The following DCUN1D3 variants were observed in gnomAD, a reference collection of about 807,000 sequenced individuals.
DCUN1D3 encodes the protein DCN1-like protein 3.
DCUN1D3 carries 6 observed loss-of-function variants against 24.8 expected under a neutral mutation model. That is an observed-to-expected ratio of 0.24 (90% CI 0.13 to 0.48). The LOEUF (loss-of-function observed/expected upper bound fraction) is 0.48. DCUN1D3 is among the 20% of genes least tolerant of loss of function. The pLI is 0.99. For missense variants in DCUN1D3, 258 were observed against 379.4 expected, an observed-to-expected ratio of 0.68 and a Z score of 2.66; for synonymous variants, 120 against 144.9, an observed-to-expected ratio of 0.83 and a Z score of 1.24.
intron 1 of DCUN1D3, among the ~76,000 whole-genome samples, chr16:20,870,051 C>T (rs2081780526): frequency 6.6e-6 from 1 of 152,212 alleles, no homozygotes. Flanking sequence ...GCCTTTGGTT[C>T]TGGTGTGAAA....
chr16:20,893,419 C>T (rs914086410), intron 1 of DCUN1D3, among the ~76,000 whole-genome samples: 8 of 152,272 alleles, frequency 5.3e-5, no homozygotes, highest in Non-Finnish European at 7.4e-5. Context: ...GAGATTCTCC[C>T]GTCTAAGCCT....
intron 1 of DCUN1D3, among the ~76,000 whole-genome samples, chr16:20,890,113 T>A (rs750555992): frequency 1.3e-5 from 2 of 152,184 alleles, no homozygotes; most frequent in Non-Finnish European, 2.9e-5. Flanking sequence ...CATTCAGCTG[T>A]TCCTGAGTTA....
At position 20,862,448 on chromosome 16, in the gene DCUN1D3, T is replaced by G; in HGVS notation, c.91A>C (p.Arg31=). Residue 31 remains arginine (R), a synonymous_variant, in exon 2 of 3, where the codon AGG becomes CGG. Coordinates refer to ENST00000324344, the MANE Select transcript of DCUN1D3 (RefSeq NM_173475.4). ...DREPSNKSHS[R]RGAGHREEQV... ...TCCTCACGGTGGCCTGCACCCCTCC[T>G]GCTATGTGACTTGTTGCTGGGCTCA... The G allele has an allele frequency of 6.2e-7, 1 of 1,613,336 alleles. No individual in the cohort carries two copies. The highest frequency in any genetic ancestry group is 8.5e-7 in the Non-Finnish European group (1 of 1,179,998).
At chr16:20,867,893 G>C (rs1039496650) in intron 1 of DCUN1D3, among the ~76,000 whole-genome samples, 29 of 152,186 alleles carry the variant, frequency 1.9e-4, no homozygotes, top group Non-Finnish European at 3.8e-4. Context: ...CCACTACCCA[G>C]TAATGCTTGG....
At chr16:20,890,020 C>T (rs1323886207) in intron 1 of DCUN1D3, among the ~76,000 whole-genome samples, 1 of 152,180 alleles carries the variant, frequency 6.6e-6, no homozygotes, top group Non-Finnish European at 1.5e-5. Context: ...TTGGTAAAAG[C>T]ATTTATGAGC....
intron 1 of DCUN1D3, among the ~76,000 whole-genome samples, chr16:20,884,707 T>C (rs1469710488): frequency 6.6e-6 from 1 of 152,150 alleles, no homozygotes; most frequent in African/African-American, 2.4e-5. Flanking sequence ...GACACCTCTC[T>C]GAGACAAGAC....
chr16:20,894,939 T>C (rs1399503876), intron 1 of DCUN1D3, among the ~76,000 whole-genome samples: 2 of 152,158 alleles, frequency 1.3e-5, no homozygotes, highest in Non-Finnish European at 2.9e-5. Flanking sequence ...TTCAGTGCAA[T>C]TGGCCATCTG....
At position 20,859,580 on chromosome 16, in the gene DCUN1D3, A is replaced by G. The variant is rs546563823; in HGVS notation, c.*306T>C. On this transcript the variant is annotated 3_prime_UTR_variant, in exon 3 of 3. Coordinates refer to ENST00000324344, the MANE Select transcript of DCUN1D3 (RefSeq NM_173475.4). ...AAAAACAAAAAAAAACAAAAAAAAA[A>G]CCTAAATTTGTGCAAGAAATGGCAG... 2 of 236,182 alleles carry G rather than the reference A, an allele frequency of 8.5e-6. No homozygotes were observed. The highest frequency in any genetic ancestry group is 4.6e-5 in the African/African-American group (2 of 43,702). The allele number at this position is 236,182 out of a possible 1,614,324, so 14.6% of individuals were successfully genotyped here.
intron 1 of DCUN1D3, among the ~76,000 whole-genome samples, chr16:20,881,229 C>A (rs543285884): frequency 6.6e-6 from 1 of 152,252 alleles, no homozygotes; most frequent in South Asian, 2.1e-4. Flanking sequence ...CACAGCGATA[C>A]TCTGTCTCTA....
At chr16:20,883,595 A>G (rs1421884714) in intron 1 of DCUN1D3, among the ~76,000 whole-genome samples, 2 of 152,232 alleles carry the variant, frequency 1.3e-5, no homozygotes, top group East Asian at 3.8e-4. Flanking sequence ...GAAGTATTAA[A>G]TACTGGAGAT....
In DCUN1D3 at chr16:20,856,245, C is replaced by A. The variant is rs559023552; in HGVS notation, c.*3641G>T. The A allele has an allele frequency of 1.1e-4, 17 of 152,126 alleles. No homozygotes were observed. The highest frequency in any genetic ancestry group is 2.2e-4 in the Non-Finnish European group (15 of 68,024). 9.4% of individuals were successfully genotyped at this position (152,126 alleles called of 1,614,324 possible). ...TGGCAAAAACTTACTTTTGCACCAA[C>A]CTAACAGATCTGTTTTGGTTTGTAA... On this transcript the variant is annotated 3_prime_UTR_variant, in exon 3 of 3. Transcript: ENST00000324344.
At chr16:20,883,311 G>C (rs1310319217) in intron 1 of DCUN1D3, among the ~76,000 whole-genome samples, 3 of 152,132 alleles carry the variant, frequency 2.0e-5, no homozygotes, top group African/African-American at 7.2e-5. Context: ...AGGAGATCGA[G>C]ACCATCCTGG....
At chr16:20,862,967 C>A (rs1356760458) in intron 1 of DCUN1D3, among the ~76,000 whole-genome samples, 1 of 152,166 alleles carries the variant, frequency 6.6e-6, no homozygotes, top group African/African-American at 2.4e-5. Context: ...TGCCAACTTG[C>A]CATCACATAA....
chr16:20,892,710 C>CTTA (rs1388328871), intron 1 of DCUN1D3, among the ~76,000 whole-genome samples: 1 of 151,832 alleles, frequency 6.6e-6, no homozygotes, highest in Non-Finnish European at 1.5e-5. Context: ...GGCCCACTTG[C>CTTA]TTATCTGAAA....
Position 20,860,152 on chromosome 16 carries a change from T to C in DCUN1D3, c.649A>G (p.Asn217Asp). 6.2e-7 allele frequency: 1 copy of C among 1,614,240 alleles called. No homozygotes were observed. Among genetic ancestry groups the C allele is most frequent in the African/African-American group, 1.3e-5 (1 of 75,050 alleles). The change falls in exon 3 of 3, where the codon AAT becomes GAT. Residue 217 changes from asparagine to aspartate, a missense_variant. Asn to Asp is a conservative substitution (Grantham distance 23). Coordinates refer to ENST00000324344, the MANE Select transcript of DCUN1D3 (RefSeq NM_173475.4). This position sits in a 1 kb window ranked among gnomAD's most constrained non-coding sequence, Gnocchi z 4.3. ...ALWKLVFTQNNPPVLDQWLNF... is the reference protein window; with the variant it reads ...ALWKLVFTQNDPPVLDQWLNF... ...AGCCATTGGTCCAATACCGGAGGAT[T>C]GTTCTGGGTAAAGACTAGTTTCCAC...
At chr16:20,877,329 C>G (rs2081821057) in intron 1 of DCUN1D3, among the ~76,000 whole-genome samples, 1 of 152,124 alleles carries the variant, frequency 6.6e-6, no homozygotes, top group Non-Finnish European at 1.5e-5. Flanking sequence ...CACGTGCTGA[C>G]ATGTGTTCCA....
intron 1 of DCUN1D3, among the ~76,000 whole-genome samples, chr16:20,877,579 G>GCT (rs1323526168): frequency 1.3e-5 from 2 of 152,196 alleles, no homozygotes; most frequent in African/African-American, 2.4e-5. Context: ...CTGAGCACAT[G>GCT]CTCTGTACAA....
intron 1 of DCUN1D3, among the ~76,000 whole-genome samples, chr16:20,873,111 ACT>A (rs1208565927): frequency 1.3e-5 from 2 of 148,286 alleles, no homozygotes; most frequent in East Asian, 2.0e-4. Context: ...ACAGAGCGAG[ACT>A]CTGTCTCAAA....
chr16:20,858,318 G>A lies in DCUN1D3; in HGVS notation c.*1568C>T, dbSNP rs1332771301. On this transcript the variant is annotated 3_prime_UTR_variant, in exon 3 of 3. Coordinates refer to ENST00000324344, the MANE Select transcript of DCUN1D3 (RefSeq NM_173475.4). ...ATGGAGCCAGCGCGTGGAGAAGTCT[G>A]GGGAACCGGGGCCCTCCCTCTTGTG... The A allele has an allele frequency of 1.3e-5, 2 of 152,560 alleles. No homozygotes were observed. Among genetic ancestry groups the A allele is most frequent in the East Asian group, 3.9e-4 (2 of 5,176 alleles). The allele number at this position is 152,560 out of a possible 1,614,324, so 9.5% of individuals were successfully genotyped here.
Sources: allele counts gnomAD v4.1 joint callset (sites outside exome capture counted in the v4.1 genomes callset), GRCh38; gene constraint gnomAD v4.1.1; non-coding constraint Gnocchi (gnomAD v3.1); transcripts MANE v1.5; gene names NCBI Gene and HGNC (gene_info 2026-07-23, HGNC 2026-07-21).